Variants in CPQ observed in about 807,000 individuals in gnomAD.
CPQ encodes the protein carboxypeptidase Q.
A neutral mutation model predicts 45.7 loss-of-function variants in CPQ; 37 were observed. The ratio of observed to expected loss-of-function variants is 0.81; its 90% confidence interval spans 0.62 to 1.07. The LOEUF (loss-of-function observed/expected upper bound fraction) is 1.07, where lower values mean the gene tolerates loss of function less well. Among genes scored for constraint, CPQ ranks in the 50% least tolerant of loss-of-function variants. CPQ has a pLI of 0.00. For synonymous variants in CPQ, 186 were observed against 205.8 expected, an observed-to-expected ratio of 0.90 and a Z score of 0.82; for missense variants, 537 against 572.9, an observed-to-expected ratio of 0.94 and a Z score of 0.64.
At chr8:96,836,775 T>C (rs530375895) in intron 3 of CPQ, among the ~76,000 whole-genome samples, 11 of 151,942 alleles carry the variant, frequency 7.2e-5, no homozygotes, top group Admixed American at 1.3e-4. Context: ...GCACAGTAAT[T>C]TGTCAGGATT....
Position 97,049,136 on chromosome 8 carries a change from C to T in CPQ, c.1054-16873C>T, listed in dbSNP as rs150098908. Among the ~76,000 whole-genome samples the T allele has an allele frequency of 1.6e-4, 24 of 152,226 alleles. No individual in the cohort carries two copies. In the East Asian group the frequency reaches 3.5e-3, roughly 22 times the overall value. ...CATGAGTGAAGTAATAAATTAGCAT[C>T]GTCTTTATAAGAACCAGCAATTCTG... On this transcript the variant is annotated intron_variant, in intron 6 of 7. Transcript: ENST00000220763.
chr8:97,086,508 C>G (rs1158219996), intron 7 of CPQ, among the ~76,000 whole-genome samples: 1 of 152,106 alleles, frequency 6.6e-6, no homozygotes, highest in Non-Finnish European at 1.5e-5. Flanking sequence ...GTCTGTTTTC[C>G]TTCTCTGTTG....
intron 4 of CPQ, among the ~76,000 whole-genome samples, chr8:96,907,492 A>T (rs559865902): frequency 4.5e-4 from 68 of 152,092 alleles, no homozygotes; most frequent in Non-Finnish European, 9.0e-4. Context: ...CCCAACCATA[A>T]CTCTATTGTT....
rs562972966 is a variant in CPQ, at chr8:96,826,471, G to GTA, written c.434-8491_434-8490dup. Among the ~76,000 whole-genome samples the GTA allele has an allele frequency of 2.5e-3, 375 of 151,628 alleles. 5 individuals carry two copies. In the East Asian group the frequency reaches 0.032, roughly 13 times the overall value. On this transcript the variant is annotated intron_variant, in intron 2 of 7. Transcript: ENST00000220763. ...AAAACCAAGCTTTAATTCTTGTTCT[G>GTA]TATATATATATACATATATCTGCCG...
At chr8:97,014,422 G>A (rs1022916728) in intron 5 of CPQ, among the ~76,000 whole-genome samples, 4 of 151,904 alleles carry the variant, frequency 2.6e-5, no homozygotes, top group Admixed American at 6.6e-5. Flanking sequence ...AGGCCGAGGC[G>A]GGCAGATCAC....
intron 2 of CPQ, among the ~76,000 whole-genome samples, chr8:96,817,219 C>T (rs529446205): frequency 6.6e-6 from 1 of 152,218 alleles, no homozygotes; most frequent in South Asian, 2.1e-4. Flanking sequence ...GCTATAGCTT[C>T]TACATTAGCA....
intron 1 of CPQ, among the ~76,000 whole-genome samples, chr8:96,745,419 G>T (rs537303799): frequency 7.9e-5 from 12 of 152,194 alleles, no homozygotes; most frequent in Non-Finnish European, 1.8e-4. Flanking sequence ...GTGTATAAAA[G>T]AGGGATTAAA....
In CPQ at chr8:97,107,794, A is replaced by G. The variant is rs528727374; in HGVS notation, c.1256-35226A>G. 7.3e-4 allele frequency among the ~76,000 whole-genome samples: 111 copies of G among 151,462 alleles called. 3 individuals carry two copies. In the South Asian group the frequency reaches 0.022, roughly 31 times the overall value. On this transcript the variant is annotated intron_variant, in intron 7 of 7. Transcript: ENST00000220763. ...GGGCAAAGAAAAAGATTTTTAAGAT[A>G]AGAGAAATAACATGTTTGCTCATGA...
rs184709172 is a variant in CPQ at position 96,838,320 on chromosome 8, G to C, written c.641+3140G>C. On this transcript the variant is annotated intron_variant, in intron 3 of 7. Transcript: ENST00000220763. ...ATGGTTTCAAGGGGGTGGTCAGAAT[G>C]TGGCCTTCTGCTCCTTTCCATCTGT... Among the ~76,000 whole-genome samples the C allele has an allele frequency of 2.6e-3, 399 of 152,254 alleles. 5 individuals carry two copies. The highest frequency in any genetic ancestry group is 0.017 in the Middle Eastern group (5 of 294).
intron 2 of CPQ, among the ~76,000 whole-genome samples, chr8:96,809,242 A>G (rs1385443205): frequency 2.0e-5 from 3 of 152,104 alleles, no homozygotes; most frequent in Non-Finnish European, 2.9e-5. Flanking sequence ...TTAGGTATTT[A>G]CCTAAGAAAA....
chr8:96,839,605 T>C (rs1307558714), intron 3 of CPQ, among the ~76,000 whole-genome samples: 1 of 152,226 alleles, frequency 6.6e-6, no homozygotes, highest in Non-Finnish European at 1.5e-5. Flanking sequence ...TCATATTGTT[T>C]AGTACATATT....
At chr8:96,813,922 T>C (rs1030481390) in intron 2 of CPQ, among the ~76,000 whole-genome samples, 3 of 152,206 alleles carry the variant, frequency 2.0e-5, no homozygotes, top group South Asian at 4.1e-4. Flanking sequence ...CTCATTATGG[T>C]ACATATGATA....
At chr8:96,863,444 A>T (rs577608196) in intron 3 of CPQ, among the ~76,000 whole-genome samples, 1 of 151,990 alleles carries the variant, frequency 6.6e-6, no homozygotes, top group African/African-American at 2.4e-5. Context: ...CTGACCCTGG[A>T]CTAAGTGTCT....
At chr8:97,111,136 C>T (rs997724564) in intron 7 of CPQ, among the ~76,000 whole-genome samples, 32 of 152,152 alleles carry the variant, frequency 2.1e-4, no homozygotes, top group African/African-American at 6.5e-4. Flanking sequence ...TGATGGGAGC[C>T]CACCCCTCCA....
chr8:96,689,012 T>C (rs939929578), intron 1 of CPQ, among the ~76,000 whole-genome samples: 5 of 152,314 alleles, frequency 3.3e-5, no homozygotes, highest in South Asian at 2.1e-4. Context: ...ATTTATCCTA[T>C]AGCAGCATAA....
intron 1 of CPQ, among the ~76,000 whole-genome samples, chr8:96,750,756 T>C (rs1810247446): frequency 6.6e-6 from 1 of 152,058 alleles, no homozygotes; most frequent in Non-Finnish European, 1.5e-5. Context: ...TCAGCATCCA[T>C]TAGCTTTTCT....
chr8:96,679,703 A>G (rs1278605651), intron 1 of CPQ, among the ~76,000 whole-genome samples: 1 of 150,752 alleles, frequency 6.6e-6, no homozygotes, highest in Non-Finnish European at 1.5e-5. Context: ...GTTAAAATAT[A>G]GCTGTTTATA....
intron 6 of CPQ, among the ~76,000 whole-genome samples, chr8:97,045,155 C>A (rs964248679): frequency 7.9e-5 from 12 of 152,288 alleles, no homozygotes; most frequent in Admixed American, 5.2e-4. Context: ...TCGAGCTTCC[C>A]GGCTGCTTTT....
At chr8:96,875,041 C>T (rs1563518348) in intron 3 of CPQ, among the ~76,000 whole-genome samples, 1 of 151,830 alleles carries the variant, frequency 6.6e-6, no homozygotes, top group Non-Finnish European at 1.5e-5. Flanking sequence ...TGGAAAGTGA[C>T]ATCTCATTGA....
Sources: gnomAD v4.1 joint callset for allele counts (sites outside exome capture counted in the v4.1 genomes callset) on GRCh38, gnomAD v4.1.1 for gene constraint, MANE v1.5 for transcripts, NCBI Gene and HGNC (gene_info 2026-07-23, HGNC 2026-07-21) for gene names.